The following TMEM132B variants were observed in gnomAD, a reference collection of about 807,000 sequenced individuals.
TMEM132B encodes transmembrane protein 132B.
TMEM132B carries 18 observed loss-of-function variants against 90.8 expected under a neutral mutation model. The ratio of observed to expected loss-of-function variants is 0.20; its 90% CI spans 0.14 to 0.29. TMEM132B has a LOEUF of 0.29. Ranked by LOEUF, TMEM132B falls within the 10% of genes least tolerant of loss-of-function variation. TMEM132B has a pLI of 1.00. For synonymous variants in TMEM132B, 504 were observed against 523.3 expected (o/e 0.96, Z 0.50); for missense variants, 1,096 against 1,326.8 (o/e 0.83, Z 2.70).
At chr12:125,396,004 A>C (rs1313574788) in intron 2 of TMEM132B, among the ~76,000 whole-genome samples, 1 of 152,216 alleles carries the variant, frequency 6.6e-6, no homozygotes, top group African/African-American at 2.4e-5. Context: ...GGTTGGGTCA[A>C]ATGGTTCCTC....
chr12:125,315,170 C>T (rs999286044), intron 1 of TMEM132B, among the ~76,000 whole-genome samples: 1 of 152,226 alleles, frequency 6.6e-6, no homozygotes, highest in Admixed American at 6.5e-5. Flanking sequence ...GATGCTGTGC[C>T]TACGCGAAGG....
intron 3 of TMEM132B, among the ~76,000 whole-genome samples, chr12:125,431,541 G>A (rs1880509174): frequency 1.3e-5 from 2 of 150,982 alleles, no homozygotes; most frequent in Admixed American, 1.3e-4. Flanking sequence ...AGATTGCTTT[G>A]TGTGGATGTC....
chr12:125,658,983 G>A lies in TMEM132B; in HGVS notation c.*4273G>A, dbSNP rs761567879. ...AGTGACTTCATTTTTCAGCATAAAA[G>A]TATATTCTAACCACAGGGTAACACA... On this transcript the variant is annotated 3_prime_UTR_variant, in exon 9 of 9. Transcript: ENST00000682704. 3.7e-4 allele frequency: 56 copies of A among 152,094 alleles called. No homozygotes were observed. The highest frequency in any genetic ancestry group is 7.4e-4 in the Non-Finnish European group (50 of 67,998). The allele number at this position is 152,094 out of a possible 1,614,324, so 9.4% of individuals were successfully genotyped here.
chr12:125,536,970 T>C (rs1883818709), intron 4 of TMEM132B, among the ~76,000 whole-genome samples: 1 of 152,232 alleles, frequency 6.6e-6, no homozygotes, highest in Non-Finnish European at 1.5e-5. Context: ...TTTGAGATCT[T>C]TTTTTACTCT....
intron 2 of TMEM132B, among the ~76,000 whole-genome samples, chr12:125,396,421 T>C (rs536165114): frequency 2.6e-5 from 4 of 152,354 alleles, no homozygotes; most frequent in African/African-American, 9.6e-5. Context: ...ATAGTACTAA[T>C]TATATGCCAG....
intron 1 of TMEM132B, among the ~76,000 whole-genome samples, chr12:125,191,634 CTCTT>C (rs1283737769): frequency 2.0e-5 from 3 of 152,188 alleles, no homozygotes; most frequent in Non-Finnish European, 2.9e-5. Flanking sequence ...TGTTCCCTCT[CTCTT>C]TGCAACAAAT....
chr12:125,245,750 A>G (rs1874193687), intron 1 of TMEM132B, among the ~76,000 whole-genome samples: 1 of 152,148 alleles, frequency 6.6e-6, no homozygotes, highest in Non-Finnish European at 1.5e-5. Flanking sequence ...CCAGGTGGGC[A>G]GATAGCCCAG....
In TMEM132B at chr12:125,610,676, TGTTG is replaced by T. The variant is rs537717443; in HGVS notation, c.1437+26686_1437+26689del. On this transcript the variant is annotated intron_variant, in intron 5 of 8. Coordinates refer to ENST00000682704, the MANE Select transcript of TMEM132B (RefSeq NM_001366854.1). ...GTGTATATATGTTTTATTTAACCAT[TGTTG>T]GTTTTATTATATAAACCAATGACAA... Among the ~76,000 whole-genome samples the T allele has an allele frequency of 7.2e-3, 1,096 of 152,194 alleles. 10 individuals are homozygous for T. The highest frequency in any genetic ancestry group is 0.024 in the African/African-American group (1,004 of 41,534).
At chr12:125,188,124 T>G (rs765122460) in intron 1 of TMEM132B, among the ~76,000 whole-genome samples, 1 of 152,202 alleles carries the variant, frequency 6.6e-6, no homozygotes, top group African/African-American at 2.4e-5. Context: ...GAGATGCCCT[T>G]AAGTGACCCA....
chr12:125,503,769 A>C (rs1024090097), intron 3 of TMEM132B, among the ~76,000 whole-genome samples: 5 of 152,192 alleles, frequency 3.3e-5, no homozygotes, highest in African/African-American at 1.2e-4. Context: ...ACTATAATTG[A>C]TGTATCAGTC....
intron 3 of TMEM132B, among the ~76,000 whole-genome samples, chr12:125,515,622 ATT>A (rs1404428065): frequency 6.7e-6 from 1 of 148,576 alleles, no homozygotes; most frequent in Non-Finnish European, 1.5e-5. Context: ...ATATTCACAC[ATT>A]TAGTCACACA....
chr12:125,444,938 A>G (rs1038338136), intron 3 of TMEM132B, among the ~76,000 whole-genome samples: 4 of 152,104 alleles, frequency 2.6e-5, no homozygotes, highest in African/African-American at 9.7e-5. Flanking sequence ...TGCCCCCACA[A>G]CCACGGAAGG....
chr12:125,603,922 C>T (rs1393993370), intron 5 of TMEM132B, among the ~76,000 whole-genome samples: 3 of 152,130 alleles, frequency 2.0e-5, no homozygotes, highest in African/African-American at 7.2e-5. Flanking sequence ...GTCAGAATGG[C>T]AATTCTTAAA....
chr12:125,372,158 C>G (rs1000434715), intron 2 of TMEM132B, among the ~76,000 whole-genome samples: 1 of 152,184 alleles, frequency 6.6e-6, no homozygotes, highest in Non-Finnish European at 1.5e-5. Context: ...TTTATTCAAA[C>G]TTGGAATCTA....
At chr12:125,295,947 A>G (rs1875662211) in intron 1 of TMEM132B, among the ~76,000 whole-genome samples, 1 of 152,230 alleles carries the variant, frequency 6.6e-6, no homozygotes, top group African/African-American at 2.4e-5. Flanking sequence ...TCTGATTTTA[A>G]TTGAACACTT....
chr12:125,234,887 G>A (rs1049151426), intron 1 of TMEM132B, among the ~76,000 whole-genome samples: 1 of 152,186 alleles, frequency 6.6e-6, no homozygotes, highest in Non-Finnish European at 1.5e-5. Context: ...GGGATAAATG[G>A]GGTGTGGGGA....
At chr12:125,438,523 C>T (rs960835856) in intron 3 of TMEM132B, among the ~76,000 whole-genome samples, 11 of 152,310 alleles carry the variant, frequency 7.2e-5, no homozygotes, top group Admixed American at 3.9e-4. Context: ...CTATTTCAAG[C>T]ATACTTAAAA....
chr12:125,475,322 A>G (rs1339151623), intron 3 of TMEM132B, among the ~76,000 whole-genome samples: 1 of 152,170 alleles, frequency 6.6e-6, no homozygotes, highest in East Asian at 1.9e-4. Flanking sequence ...TTTTCCAAAT[A>G]GCTGCTGGCC....
chr12:125,333,287 T>C (rs368012278), intron 1 of TMEM132B, among the ~76,000 whole-genome samples: 7 of 152,210 alleles, frequency 4.6e-5, no homozygotes, highest in Admixed American at 1.3e-4. Flanking sequence ...ATTGGACTTA[T>C]GTCATCCAAT....
Sources: gnomAD v4.1 joint callset for allele counts (sites outside exome capture counted in the v4.1 genomes callset) on GRCh38, gnomAD v4.1.1 for gene constraint, MANE v1.5 for transcripts, NCBI Gene and HGNC (gene_info 2026-07-23, HGNC 2026-07-21) for gene names.